Variants in CTNNA2 observed in about 807,000 individuals in gnomAD.
CTNNA2 encodes catenin alpha 2.
A neutral mutation model predicts 101.0 loss-of-function variants in CTNNA2; 42 were observed. The observed-to-expected ratio is 0.42, with a 90% CI of 0.32 to 0.54. The LOEUF (loss-of-function observed/expected upper bound fraction) is 0.54, where lower values mean the gene tolerates loss of function less well. Ranked by LOEUF, CTNNA2 falls within the 20% of genes least tolerant of loss-of-function variation. CTNNA2 has a pLI of 0.14. For missense variants in CTNNA2, 871 were observed against 1,223.1 expected, an observed-to-expected ratio of 0.71 and a Z score of 4.29; for synonymous variants, 450 against 456.4, an observed-to-expected ratio of 0.99 and a Z score of 0.18.
chr2:80,086,163 G>A (rs1376026363), intron 7 of CTNNA2, among the ~76,000 whole-genome samples: 1 of 152,040 alleles, frequency 6.6e-6, no homozygotes, highest in Non-Finnish European at 1.5e-5. Flanking sequence ...AAATGTTGCA[G>A]ATTCTGGCAT....
At chr2:80,449,473 G>A (rs1449387935) in intron 9 of CTNNA2, among the ~76,000 whole-genome samples, 3 of 152,112 alleles carry the variant, frequency 2.0e-5, no homozygotes, top group East Asian at 1.9e-4. Flanking sequence ...GGCTTTCCTT[G>A]TGTCTCCTTC....
upstream of CTNNA2, among the ~76,000 whole-genome samples, chr2:79,509,892 C>T (rs1671498541): frequency 6.6e-6 from 1 of 152,142 alleles, no homozygotes; most frequent in Non-Finnish European, 1.5e-5. Context: ...CTCAATTTTT[C>T]TGTGAACCTA....
intron 3 of CTNNA2, among the ~76,000 whole-genome samples, chr2:79,367,541 G>T (rs1199342538): frequency 6.6e-6 from 1 of 152,112 alleles, no homozygotes; most frequent in Non-Finnish European, 1.5e-5. Context: ...GCTAATGGGG[G>T]AGGGAGATTT....
intron 4 of CTNNA2, among the ~76,000 whole-genome samples, chr2:79,865,751 G>T (rs1000280344): frequency 6.6e-6 from 1 of 152,168 alleles, no homozygotes. Context: ...ACGGAGTCTC[G>T]CACTGTCGCC....
chr2:80,185,800 A>G (rs1573332813), intron 7 of CTNNA2, among the ~76,000 whole-genome samples: 1 of 152,344 alleles, frequency 6.6e-6, no homozygotes, highest in East Asian at 1.9e-4. Context: ...CATTGGCTGC[A>G]GAACCTGGGC....
intron 3 of CTNNA2, among the ~76,000 whole-genome samples, chr2:79,314,547 T>C (rs1676454085): frequency 6.6e-6 from 1 of 152,202 alleles, no homozygotes; most frequent in Admixed American, 6.5e-5. Context: ...GCTCAGAGAA[T>C]AGAGACCCCA....
rs531344245 is a variant in CTNNA2 at position 79,681,354 on chromosome 2, C to T, written c.102+29696C>T. On this transcript the variant is annotated intron_variant, in intron 2 of 18. Coordinates refer to ENST00000402739, the MANE Select transcript of CTNNA2 (RefSeq NM_001282597.3). ...ACTAGACCGCCTTCCAGTGAGACCACATCAGAACAGCTGTTGAGTAGACAG... is the reference window on the plus strand; with the variant it reads ...ACTAGACCGCCTTCCAGTGAGACCATATCAGAACAGCTGTTGAGTAGACAG... 7.1e-4 allele frequency among the ~76,000 whole-genome samples: 108 copies of T among 152,180 alleles called. 1 individual carries two copies. Among genetic ancestry groups the T allele is most frequent in the Non-Finnish European group, 9.4e-4 (64 of 68,022 alleles).
At chr2:79,750,415 C>G (rs1251725967) in intron 3 of CTNNA2, among the ~76,000 whole-genome samples, 1 of 152,266 alleles carries the variant, frequency 6.6e-6, no homozygotes, top group African/African-American at 2.4e-5. Context: ...CATTTTACAG[C>G]CAATTTGAGA....
intron 7 of CTNNA2, among the ~76,000 whole-genome samples, chr2:80,152,340 G>A (rs1205026347): frequency 6.6e-6 from 1 of 151,180 alleles, no homozygotes; most frequent in Non-Finnish European, 1.5e-5. Context: ...TTATTCCATG[G>A]CATTCCCTGT....
At chr2:80,056,094 C>A (rs143185121) in intron 7 of CTNNA2, among the ~76,000 whole-genome samples, 5 of 152,284 alleles carry the variant, frequency 3.3e-5, no homozygotes, top group African/African-American at 9.6e-5. Context: ...AGTCCACAAC[C>A]ATCAGAAATC....
At chr2:79,416,679 G>A (rs567221062) in intron 4 of CTNNA2, among the ~76,000 whole-genome samples, 3 of 151,894 alleles carry the variant, frequency 2.0e-5, no homozygotes, top group Non-Finnish European at 4.4e-5. Context: ...TAAACACCTG[G>A]GTTAACAGTT....
chr2:80,603,807 G>T, intron 15 of CTNNA2: 3 of 380,692 alleles, frequency 7.9e-6, no homozygotes, highest in Non-Finnish European at 9.5e-6. Flanking sequence ...CTCTTGTGAT[G>T]ATCTTTTATA....
intron 4 of CTNNA2, among the ~76,000 whole-genome samples, chr2:79,497,271 G>T (rs895123639): frequency 6.6e-6 from 1 of 152,158 alleles, no homozygotes; most frequent in Non-Finnish European, 1.5e-5. Flanking sequence ...ACGGCCCTGG[G>T]TGTCAGTTAC....
intron 3 of CTNNA2, among the ~76,000 whole-genome samples, chr2:79,791,640 T>C (rs951968997): frequency 6.6e-6 from 1 of 152,144 alleles, no homozygotes; most frequent in Non-Finnish European, 1.5e-5. Flanking sequence ...GGGAGAATAT[T>C]ACTTTTGAGC....
At position 80,601,202 on chromosome 2, in the gene CTNNA2, T is replaced by C. The variant is rs145532326; in HGVS notation, c.2190-2872T>C. Among the ~76,000 whole-genome samples the C allele has an allele frequency of 9.0e-4, 137 of 152,228 alleles. 2 individuals carry two copies. In the East Asian group the frequency reaches 0.024, roughly 27 times the overall value. On this transcript the variant is annotated intron_variant, in intron 15 of 18. Transcript: ENST00000402739. ...TCTGTCATTTCTTTGGGTTTTTTCT[T>C]CTTTTTGTCTGTGTGTGTGTACCAC...
intron 7 of CTNNA2, among the ~76,000 whole-genome samples, chr2:80,083,454 CTG>C (rs1293862634): frequency 1.3e-5 from 2 of 152,054 alleles, no homozygotes; most frequent in South Asian, 2.1e-4. Flanking sequence ...ATTAAAGTTT[CTG>C]TGTTTGCCTG....
At chr2:79,256,079 T>C (rs187392302) in intron 2 of CTNNA2, among the ~76,000 whole-genome samples, 1 of 152,272 alleles carries the variant, frequency 6.6e-6, no homozygotes, top group Admixed American at 6.5e-5. Flanking sequence ...AATAAATACA[T>C]GGCAAGAGTG....
intron 7 of CTNNA2, among the ~76,000 whole-genome samples, chr2:80,032,510 A>G (rs1160488085): frequency 1.3e-5 from 2 of 152,160 alleles, no homozygotes; most frequent in Admixed American, 1.3e-4. Context: ...AAATTAAATA[A>G]TTATTCTTGA....
At chr2:79,819,821 A>G (rs1677862587) in intron 3 of CTNNA2, among the ~76,000 whole-genome samples, 1 of 152,164 alleles carries the variant, frequency 6.6e-6, no homozygotes, top group African/African-American at 2.4e-5. Context: ...TCCTAACACA[A>G]GGAAATGATA....
Sources: gnomAD v4.1 joint callset for allele counts (sites outside exome capture counted in the v4.1 genomes callset) on GRCh38, gnomAD v4.1.1 for gene constraint, MANE v1.5 for transcripts, NCBI Gene and HGNC (gene_info 2026-07-23, HGNC 2026-07-21) for gene names.